The following DLG2 variants were observed in gnomAD, a reference collection of about 807,000 sequenced individuals.
DLG2 encodes disks large homolog 2.
In DLG2, 45 loss-of-function variants were observed where a neutral mutation model predicts 132.5. The ratio of observed to expected loss-of-function variants is 0.34; its 90% CI spans 0.27 to 0.44. The LOEUF (loss-of-function observed/expected upper bound fraction) is 0.44, where lower values mean the gene tolerates loss of function less well. Among genes scored for constraint, DLG2 ranks in the 20% least tolerant of loss-of-function variants. The pLI is 1.00. For synonymous variants in DLG2, 424 were observed against 419.6 expected, an observed-to-expected ratio of 1.01 and a Z score of -0.13; for missense variants, 1,045 against 1,196.9, an observed-to-expected ratio of 0.87 and a Z score of 1.87.
intron 6 of DLG2, among the ~76,000 whole-genome samples, chr11:84,884,140 T>C (rs1165367840): frequency 6.6e-6 from 1 of 152,102 alleles, no homozygotes; most frequent in South Asian, 2.1e-4. Context: ...ATTAGGATAT[T>C]TACTCTCTTG....
chr11:85,423,022 T>C (rs965505581), intron 3 of DLG2, among the ~76,000 whole-genome samples: 1 of 152,156 alleles, frequency 6.6e-6, no homozygotes, highest in Non-Finnish European at 1.5e-5. Context: ...AACCTTGTTT[T>C]GTCATGTTAC....
chr11:85,627,653 C>T (rs1466755021), upstream of DLG2: 1 of 152,234 alleles, frequency 6.6e-6, no homozygotes, highest in Non-Finnish European at 1.5e-5. Context: ...GCTTTCACAT[C>T]CACCTTTTCT....
At chr11:84,003,812 C>A (rs1258294644) in intron 11 of DLG2, among the ~76,000 whole-genome samples, 1 of 151,906 alleles carries the variant, frequency 6.6e-6, no homozygotes, top group Non-Finnish European at 1.5e-5. Context: ...CTATTAGGAA[C>A]AACTATGTGA....
At chr11:83,702,458 A>C (rs1215543174) in intron 18 of DLG2, among the ~76,000 whole-genome samples, 1 of 152,198 alleles carries the variant, frequency 6.6e-6, no homozygotes, top group Non-Finnish European at 1.5e-5. Flanking sequence ...ATCAAGACTG[A>C]CACAGTTCTA....
intron 6 of DLG2, among the ~76,000 whole-genome samples, chr11:85,004,333 C>A (rs192900293): frequency 1.2e-3 from 183 of 152,308 alleles, no homozygotes; most frequent in African/African-American, 4.3e-3. Flanking sequence ...TACACTCCCA[C>A]CAACAGCATA....
At chr11:85,563,504 C>T (rs536038919) in intron 3 of DLG2, among the ~76,000 whole-genome samples, 2 of 151,628 alleles carry the variant, frequency 1.3e-5, no homozygotes, top group South Asian at 4.2e-4. Context: ...CCACTACCTG[C>T]TTTCTGTCAA....
At chr11:84,141,641 T>C (rs1448399021) in intron 9 of DLG2, among the ~76,000 whole-genome samples, 1 of 147,270 alleles carries the variant, frequency 6.8e-6, no homozygotes, top group African/African-American at 2.7e-5. Context: ...AAAATCAAAG[T>C]GAACAGGAGC....
At chr11:84,092,487 T>C (rs1421375893) in intron 10 of DLG2, among the ~76,000 whole-genome samples, 3 of 152,220 alleles carry the variant, frequency 2.0e-5, no homozygotes. Flanking sequence ...TAGGAAGTAG[T>C]ACCTGAAACC....
chr11:84,183,322 G>C (rs1305393220), intron 8 of DLG2, among the ~76,000 whole-genome samples: 2 of 152,152 alleles, frequency 1.3e-5, no homozygotes, highest in African/African-American at 2.4e-5. Flanking sequence ...ATGTGTCACT[G>C]TAAGTTCATC....
chr11:83,540,386 G>A (rs1014618535), intron 20 of DLG2, among the ~76,000 whole-genome samples: 1 of 152,176 alleles, frequency 6.6e-6, no homozygotes, highest in Non-Finnish European at 1.5e-5. Context: ...TTATCCAGGA[G>A]CCAAGAGGCT....
At chr11:85,107,272 A>G (rs1307327095) in intron 6 of DLG2, among the ~76,000 whole-genome samples, 3 of 152,040 alleles carry the variant, frequency 2.0e-5, no homozygotes, top group African/African-American at 7.2e-5. Context: ...ATGCAACAAA[A>G]CAAAAGAATT....
intron 11 of DLG2, among the ~76,000 whole-genome samples, chr11:83,986,140 T>C (rs897270965): frequency 1.3e-5 from 2 of 151,916 alleles, no homozygotes; most frequent in Admixed American, 6.6e-5. Flanking sequence ...ACATGTGCCA[T>C]GTTGGTGTGC....
chr11:83,633,850 A>G (rs2064088114), intron 18 of DLG2, among the ~76,000 whole-genome samples: 1 of 152,044 alleles, frequency 6.6e-6, no homozygotes, highest in African/African-American at 2.4e-5. Flanking sequence ...GATAATATGC[A>G]ATAGTTTTGC....
intron 6 of DLG2, among the ~76,000 whole-genome samples, chr11:84,945,223 G>A (rs2050047958): frequency 6.6e-6 from 1 of 152,174 alleles, no homozygotes; most frequent in African/African-American, 2.4e-5. Flanking sequence ...ACTGACTATT[G>A]TGATCTAAGT....
At chr11:84,491,225 G>A (rs1188501693) in intron 7 of DLG2, among the ~76,000 whole-genome samples, 1 of 152,090 alleles carries the variant, frequency 6.6e-6, no homozygotes, top group African/African-American at 2.4e-5. Context: ...GGACGGACCT[G>A]GTGGGAGATA....
intron 3 of DLG2, among the ~76,000 whole-genome samples, chr11:85,504,101 T>C (rs1283376401): frequency 2.6e-5 from 4 of 152,224 alleles, no homozygotes; most frequent in African/African-American, 9.6e-5. Context: ...CTTTGTAGAT[T>C]CTGGATATTA....
intron 7 of DLG2, among the ~76,000 whole-genome samples, chr11:84,443,475 T>G (rs2154478559): frequency 6.6e-6 from 1 of 152,316 alleles, no homozygotes; most frequent in South Asian, 2.1e-4. Flanking sequence ...TTAATGCTAT[T>G]CATTACAAAT....
At chr11:83,470,592 T>A (rs1213447034) in intron 24 of DLG2, among the ~76,000 whole-genome samples, 1 of 152,200 alleles carries the variant, frequency 6.6e-6, no homozygotes, top group Non-Finnish European at 1.5e-5. Flanking sequence ...AAGCTTGCTG[T>A]AAACGACCTG....
chr11:84,617,845 G>A (rs2099607239), intron 6 of DLG2, among the ~76,000 whole-genome samples: 1 of 152,006 alleles, frequency 6.6e-6, no homozygotes, highest in African/African-American at 2.4e-5. Flanking sequence ...AATATGCACT[G>A]GAAATCAAGG....
Sources: allele counts gnomAD v4.1 joint callset (sites outside exome capture counted in the v4.1 genomes callset), GRCh38; gene constraint gnomAD v4.1.1; transcripts MANE v1.5; gene names NCBI Gene and HGNC (gene_info 2026-07-23, HGNC 2026-07-21).